The following CCDC180 variants were observed in gnomAD, a reference collection of about 807,000 sequenced individuals.
The protein encoded by CCDC180 is coiled-coil domain containing 180.
CCDC180 carries 154 observed loss-of-function variants against 209.2 expected under a neutral mutation model. That is an observed-to-expected ratio of 0.74 (90% CI 0.65 to 0.84). CCDC180 has a LOEUF of 0.84. Ranked by LOEUF, CCDC180 falls within the 40% of genes least tolerant of loss-of-function variation. The probability of loss-of-function intolerance (pLI) is 0.00; values close to 1 mark genes in which losing one functional copy is unlikely to be tolerated. For missense variants in CCDC180, 1,874 were observed against 1,997.3 expected (o/e 0.94, Z 1.18); for synonymous variants, 778 against 749.1 (o/e 1.04, Z -0.63).
intron 19 of CCDC180, among the ~76,000 whole-genome samples, chr9:97,346,047 A>T (rs1043901967): frequency 6.6e-6 from 1 of 152,140 alleles, no homozygotes; most frequent in Non-Finnish European, 1.5e-5. Flanking sequence ...TTTTTTGTTT[A>T]CGGTGTGAAA....
At chr9:97,322,747 C>T (rs1833400026) in intron 11 of CCDC180, 86 bp from the exon 12 acceptor site, 3 of 1,103,300 alleles carry the variant, frequency 2.7e-6, no homozygotes, top group Non-Finnish European at 4.1e-6. Context: ...GCTGTGGAGG[C>T]ATTTTGCTCC....
In CCDC180 at chr9:97,378,186, C is replaced by G. The variant is rs991173959; in HGVS notation, c.*1292C>G. 1 of 152,204 alleles carries G rather than the reference C, an allele frequency of 6.6e-6. No individual in the cohort carries two copies. The allele number at this position is 152,204 out of a possible 1,614,324, so 9.4% of individuals were successfully genotyped here. A position where few individuals can be genotyped will look rare whatever the true frequency, so the allele number is the denominator to read the frequency against. The stretch of plus-strand genomic sequence containing the variant: ...CTGGCCTGAGCAACAGAATGAGACT[C>G]TGTCTCAAATAAACGAATAAATAAA... On this transcript the variant is annotated 3_prime_UTR_variant, in exon 37 of 37. Coordinates refer to ENST00000529487, the MANE Select transcript of CCDC180 (RefSeq NM_020893.6).
At chr9:97,373,833 C>G (rs1338340132) in intron 34 of CCDC180, 1 of 152,166 alleles carries the variant, frequency 6.6e-6, no homozygotes, top group African/African-American at 2.4e-5. Flanking sequence ...CAAAGGTGAG[C>G]CTTGTTTGGG....
chr9:97,309,632 C>A (rs757661591), intron 3 of CCDC180, 28 bp downstream of exon 3: 1 of 1,501,114 alleles, frequency 6.7e-7, no homozygotes, highest in South Asian at 1.4e-5. Flanking sequence ...TGCCTCACCC[C>A]CATGCACTAG....
chr9:97,354,689 GT>G lies in CCDC180; in HGVS notation c.3125del (p.Leu1042TrpfsTer30). 6.2e-7 allele frequency: 1 copy of G among 1,614,258 alleles called. No homozygotes were observed. The highest frequency in any genetic ancestry group is 8.5e-7 in the Non-Finnish European group (1 of 1,180,050). On this transcript the variant is annotated frameshift_variant, in exon 23 of 37. Transcript: ENST00000529487. LOFTEE classifies it high-confidence loss of function. ...ESVIMLNMEK[L>X]ENEYLDQAND... is the part of the protein sequence containing the mutation. ...GTGTCATCATGCTCAACATGGAGAA[GT>G]TGGAGAATGAGTACCTGGACCAGGT...
chr9:97,334,737 A>T (rs1825849557), intron 18 of CCDC180, among the ~76,000 whole-genome samples: 1 of 152,174 alleles, frequency 6.6e-6, no homozygotes, highest in Admixed American at 6.5e-5. Context: ...TATAGTTTTC[A>T]TTGAGAATAT....
chr9:97,314,054 C>A (rs188339945), intron 5 of CCDC180, among the ~76,000 whole-genome samples: 17 of 152,348 alleles, frequency 1.1e-4, no homozygotes, highest in Admixed American at 2.6e-4. Flanking sequence ...GTGAAGCCAT[C>A]TACCTGAGCC....
In CCDC180 at chr9:97,320,186, C is replaced by G. The variant is rs766669019; in HGVS notation, c.1140C>G (p.Asn380Lys). Residue 380 changes from asparagine (N) to lysine (K), a missense_variant, in exon 11 of 37, where the codon AAC (asparagine) becomes AAG (lysine). Physicochemically the swap from Asn to Lys is moderately conservative, Grantham distance 94. Transcript: ENST00000529487. ...TGACTGAGTGGCATTCTTCCCTCAA[C>G]TCCCTGAACAAGGAGCTAGGTGAGT... ...TQLTEWHSSL[N>K]SLNKELDTYH... 13 of 1,614,074 alleles carry G rather than the reference C, an allele frequency of 8.1e-6. No individual in the cohort carries two copies. The highest frequency in any genetic ancestry group is 1.1e-5 in the Non-Finnish European group (13 of 1,180,016).
chr9:97,309,363 G>A, intron 2 of CCDC180, 51 bp from the exon 3 acceptor site: 1 of 1,541,954 alleles, frequency 6.5e-7, no homozygotes, highest in Non-Finnish European at 8.8e-7. Flanking sequence ...AGAGTGCTAG[G>A]AAGTCAGCAG....
In CCDC180 at chr9:97,375,553, C is replaced by T. The variant is rs1827228971; in HGVS notation, c.4806C>T (p.His1602=). 6.2e-7 allele frequency: 1 copy of T among 1,614,142 alleles called. No homozygotes were observed. The highest frequency in any genetic ancestry group is 1.3e-5 in the African/African-American group (1 of 74,950). The part of the protein sequence containing the change: ...SISTTKTTLG[H]LAAVEARDAV... ...CCACCACCAAAACCACCCTGGGCCA[C>T]CTGGCGGCCGTGGAAGCCCGAGATG... is the stretch of plus-strand genomic sequence containing the variant. The change falls in exon 36 of 37, where the codon CAC becomes CAT. Residue 1602 remains histidine, a synonymous_variant. Transcript: ENST00000529487.
chr9:97,324,639 A>T (rs1333427286), intron 13 of CCDC180, among the ~76,000 whole-genome samples: 1 of 152,166 alleles, frequency 6.6e-6, no homozygotes, highest in Non-Finnish European at 1.5e-5. Flanking sequence ...TTTGGCCCAG[A>T]TGCCATGAGT....
chr9:97,365,123 A>G (rs1826881618), intron 29 of CCDC180: 1 of 152,522 alleles, frequency 6.6e-6, no homozygotes, highest in Non-Finnish European at 1.5e-5. Flanking sequence ...CAAAGAAAAT[A>G]TTTGCTTGGT....
chr9:97,374,838 T>C (rs1037984335), intron 35 of CCDC180, among the ~76,000 whole-genome samples, 190 bp downstream of exon 35: 5 of 152,212 alleles, frequency 3.3e-5, no homozygotes, highest in African/African-American at 1.2e-4. Flanking sequence ...GAAAGTTAAA[T>C]GAGGTAGTAC....
At chr9:97,315,611 G>A (rs749396392) in intron 8 of CCDC180, among the ~76,000 whole-genome samples, 1 of 152,210 alleles carries the variant, frequency 6.6e-6, no homozygotes, top group African/African-American at 2.4e-5. Context: ...CTGCCCAAAG[G>A]CACACTGTGG....
chr9:97,352,883 T>C (rs919624757), intron 22 of CCDC180, among the ~76,000 whole-genome samples: 3 of 151,806 alleles, frequency 2.0e-5, no homozygotes, highest in Admixed American at 6.6e-5. Context: ...TGCAAATCTA[T>C]TCATTGAGTT....
intron 15 of CCDC180, among the ~76,000 whole-genome samples, chr9:97,327,774 C>T (rs1380727509): frequency 6.6e-6 from 1 of 152,132 alleles, no homozygotes; most frequent in Non-Finnish European, 1.5e-5. Context: ...AGTTAGGACC[C>T]TGGACAGGGA....
chr9:97,352,370 A>C (rs2401384), intron 22 of CCDC180, among the ~76,000 whole-genome samples: 32,128 of 152,064 alleles, frequency 0.21, 3,650 homozygotes, highest in East Asian at 0.39. Context: ...GCCTGGGACC[A>C]ATTCTGTCTG....
At chr9:97,322,346 A>G (rs912048968) in intron 11 of CCDC180, among the ~76,000 whole-genome samples, 1 of 152,192 alleles carries the variant, frequency 6.6e-6, no homozygotes, top group African/African-American at 2.4e-5. Context: ...AGCAGCACTA[A>G]ACCAGAGTTG....
chr9:97,344,087 A>G (rs969058155), intron 19 of CCDC180, among the ~76,000 whole-genome samples: 3 of 152,318 alleles, frequency 2.0e-5, no homozygotes, highest in East Asian at 3.9e-4. Flanking sequence ...AGAACAATGA[A>G]GAATAGAGAA....
Sources: allele counts gnomAD v4.1 joint callset (sites outside exome capture counted in the v4.1 genomes callset), GRCh38; gene constraint gnomAD v4.1.1; transcripts MANE v1.5; gene names NCBI Gene and HGNC (gene_info 2026-07-23, HGNC 2026-07-21).